Variants in TRIM42 observed in about 807,000 individuals in gnomAD.
TRIM42 encodes tripartite motif-containing protein 42.
A neutral mutation model predicts 64.9 loss-of-function variants in TRIM42; 59 were observed. That is an observed-to-expected ratio of 0.91 (90% CI 0.74 to 1.13). The LOEUF (loss-of-function observed/expected upper bound fraction) is 1.13. Among genes scored for constraint, TRIM42 ranks in the 50% most tolerant of loss-of-function variants. The pLI is 0.00. For synonymous variants in TRIM42, 354 were observed against 346.3 expected, an observed-to-expected ratio of 1.02 and a Z score of -0.25; for missense variants, 878 against 929.5, an observed-to-expected ratio of 0.94 and a Z score of 0.72.
In TRIM42 at chr3:140,678,167, G is replaced by A. The variant is rs1988252565; in HGVS notation, c.-63G>A. 8 of 1,408,840 alleles carry A rather than the reference G, an allele frequency of 5.7e-6. No homozygotes were observed. Among genetic ancestry groups the A allele is most frequent in the Non-Finnish European group, 9.9e-7 (1 of 1,008,208 alleles). 87.3% of individuals were successfully genotyped at this position (1,408,840 alleles called of 1,614,324 possible). A position where few individuals can be genotyped will look rare whatever the true frequency, so the allele number is the denominator to read the frequency against. On this transcript the variant is annotated 5_prime_UTR_variant, in exon 1 of 5. Transcript: ENST00000286349. ...GGACTCCTCCACTGGAGAACTGATA[G>A]CAGTATTCTGGTAGAGGAGGCATCA...
At position 140,690,883 on chromosome 3, in the gene TRIM42, G is replaced by T. The variant is rs1261362612; in HGVS notation, c.1861-85G>T. The T allele has an allele frequency of 1.3e-5, 15 of 1,148,252 alleles. No individual in the cohort carries two copies. The East Asian group carries it at 3.1e-4, about 24-fold the overall frequency. The allele number at this position is 1,148,252 out of a possible 1,614,324, so 71.1% of individuals were successfully genotyped here. On this transcript the variant is annotated intron_variant, in intron 3 of 4. Coordinates refer to ENST00000286349, the MANE Select transcript of TRIM42 (RefSeq NM_152616.5). ...GGGGTCAGCTTAAACTCACCCCACAGATAGTCAACATCACAAATCTTTAAG... is the reference window on the plus strand; with the variant it reads ...GGGGTCAGCTTAAACTCACCCCACATATAGTCAACATCACAAATCTTTAAG...
At chr3:140,684,583 C>A (rs1363817342) in intron 2 of TRIM42, among the ~76,000 whole-genome samples, 3 of 152,206 alleles carry the variant, frequency 2.0e-5, no homozygotes, top group Non-Finnish European at 4.4e-5. Context: ...GACCACATCA[C>A]CCCGGACCTC....
intron 4 of TRIM42, among the ~76,000 whole-genome samples, chr3:140,691,775 T>C (rs1988721533): frequency 6.6e-6 from 1 of 152,198 alleles, no homozygotes; most frequent in Non-Finnish European, 1.5e-5. Context: ...GTTATTCCTA[T>C]CTTCTTTGTG....
rs1471860319 is a variant in TRIM42, at chr3:140,682,699, C to T, written c.579C>T (p.Arg193=). 1.2e-6 allele frequency: 2 copies of T among 1,612,814 alleles called. No individual in the cohort carries two copies. Among genetic ancestry groups the T allele is most frequent in the Non-Finnish European group, 1.7e-6 (2 of 1,180,036 alleles). Residue 193 remains arginine (R), a synonymous_variant, in exon 2 of 5, where the codon CGC becomes CGT. Coordinates refer to ENST00000286349, the MANE Select transcript of TRIM42 (RefSeq NM_152616.5). ...FFILICPVCD[R]SHCMPYSNKM... is the part of the protein sequence containing the mutation. ...TCCTCATCTGCCCAGTGTGCGACCG[C>T]TCGCACTGCATGCCCTACAGCAACA...
chr3:140,678,685 T>A, intron 1 of TRIM42, 115 bp downstream of exon 1: 1 of 866,370 alleles, frequency 1.2e-6, no homozygotes, highest in Non-Finnish European at 1.7e-6. Flanking sequence ...TTTCTTTATC[T>A]AAAAGGAGGA....
intron 3 of TRIM42, among the ~76,000 whole-genome samples, chr3:140,690,351 C>G (rs890728850): frequency 1.3e-5 from 2 of 151,512 alleles, no homozygotes; most frequent in African/African-American, 4.9e-5. Flanking sequence ...GTATTTATTA[C>G]AGCATTTATT....
At chr3:140,679,821 C>A (rs559313989) in intron 1 of TRIM42, among the ~76,000 whole-genome samples, 1 of 152,110 alleles carries the variant, frequency 6.6e-6, no homozygotes, top group African/African-American at 2.4e-5. Flanking sequence ...AGCTCCCCAA[C>A]GTTACTGTGC....
In TRIM42 at chr3:140,678,415, C is replaced by T; in HGVS notation, c.186C>T (p.Asn62=). The T allele has an allele frequency of 6.2e-7, 1 of 1,614,226 alleles. No homozygotes were observed. Among genetic ancestry groups the T allele is most frequent in the Non-Finnish European group, 8.5e-7 (1 of 1,180,042 alleles). ...ACTGCACCTGTTCTGAGAGCCCCAACTGCCATTGGTGTTGCTGCTCTTGGG... is the reference window on the plus strand; with the variant it reads ...ACTGCACCTGTTCTGAGAGCCCCAATTGCCATTGGTGTTGCTGCTCTTGGG... ...FCHCTCSESP[N]CHWCCCSWAN... is the part of the protein sequence containing the mutation. Residue 62 remains asparagine (N), a synonymous_variant, in exon 1 of 5, where the codon AAC becomes AAT. Transcript: ENST00000286349.
Position 140,691,025 on chromosome 3 carries a change from G to A in TRIM42, c.1918G>A (p.Val640Ile). Residue 640 changes from valine (V) to isoleucine (I), a missense_variant, in exon 4 of 5, where the codon GTC becomes ATC. Val to Ile is a conservative substitution (Grantham distance 29, BLOSUM62 3). Transcript: ENST00000286349. ...VDSFEMEFYE[V>I]ITSPPNNVQM... Reference sequence around the variant, plus strand: ...CTCTTTTGAGATGGAATTCTATGAAGTCATTACTTCTCCTCCTAACAACGT... The same window carrying A: ...CTCTTTTGAGATGGAATTCTATGAAATCATTACTTCTCCTCCTAACAACGT... 1.2e-6 allele frequency: 2 copies of A among 1,614,104 alleles called. No individual in the cohort carries two copies. The highest frequency in any genetic ancestry group is 1.7e-6 in the Non-Finnish European group (2 of 1,179,994).
chr3:140,684,487 C>T (rs376849845), intron 2 of TRIM42, among the ~76,000 whole-genome samples: 1 of 152,168 alleles, frequency 6.6e-6, no homozygotes, highest in African/African-American at 2.4e-5. Context: ...TAGGCCTACA[C>T]ATTTGGGAGG....
rs1342191470 is a variant in TRIM42, at chr3:140,679,167, CTT to C, written c.341+600_341+601del. Among the ~76,000 whole-genome samples the C allele has an allele frequency of 1.2e-4, 19 of 152,078 alleles. 1 individual carries two copies. Among genetic ancestry groups the C allele is most frequent in the Non-Finnish European group, 2.6e-4 (18 of 68,026 alleles). ...TCCTATGAACTCTTAATACCTGTAA[CTT>C]TTAATGGAAAAGAAAGAACTTCTAT... On this transcript the variant is annotated intron_variant, in intron 1 of 4. Transcript: ENST00000286349.
intron 2 of TRIM42, 41 bp from the exon 3 acceptor site, chr3:140,687,681 A>G: frequency 6.8e-7 from 1 of 1,472,164 alleles, no homozygotes; most frequent in South Asian, 1.3e-5. Context: ...ACACCTGGGG[A>G]GATGAAAATT....
At chr3:140,690,071 T>TG (rs1489630300) in intron 3 of TRIM42, among the ~76,000 whole-genome samples, 1 of 152,210 alleles carries the variant, frequency 6.6e-6, no homozygotes, top group Non-Finnish European at 1.5e-5. Context: ...CAGTGATATT[T>TG]GATTTTAAAA....
intron 1 of TRIM42, among the ~76,000 whole-genome samples, chr3:140,678,814 A>ACTCT (rs1393536915): frequency 6.6e-6 from 1 of 151,886 alleles, no homozygotes; most frequent in Non-Finnish European, 1.5e-5. Context: ...CTGAACCCCA[A>ACTCT]CTCTCTCATC....
chr3:140,697,234 A>T (rs1988875248), intron 4 of TRIM42, among the ~76,000 whole-genome samples: 1 of 151,994 alleles, frequency 6.6e-6, no homozygotes, highest in Admixed American at 6.5e-5. Context: ...ATGTCCTTAT[A>T]TATTCTAGGT....
intron 1 of TRIM42, among the ~76,000 whole-genome samples, chr3:140,680,978 T>C (rs897122659): frequency 6.6e-6 from 1 of 152,224 alleles, no homozygotes; most frequent in African/African-American, 2.4e-5. Context: ...CAAATATTAT[T>C]ATGCAAACAG....
In TRIM42 at chr3:140,687,916, T is replaced by G. The variant is rs553137967; in HGVS notation, c.1234T>G (p.Tyr412Asp). 3.1e-6 allele frequency: 5 copies of G among 1,613,958 alleles called. No homozygotes were observed. The South Asian group carries it at 5.5e-5, about 18-fold the overall frequency. Residue 412 changes from tyrosine (Y) to aspartate (D), a missense_variant, in exon 3 of 5, where the codon TAT (tyrosine) becomes GAT (aspartate). By Grantham distance (160) the Tyr-to-Asp change is radical. Transcript: ENST00000286349. The stretch of plus-strand genomic sequence containing the variant: ...GTCCAGGCAGAAGGAAATTGAAAAA[T>G]ATGTGTATGTTACAACCATGAAAGT... The part of the protein sequence containing the change: ...EVSRQKEIEK[Y>D]VYVTTMKVNE...
In TRIM42 at chr3:140,683,253, A is replaced by G. The variant is rs1459690527; in HGVS notation, c.1039+94A>G. 12 of 1,289,746 alleles carry G rather than the reference A, an allele frequency of 9.3e-6. No homozygotes were observed. The Admixed American group carries it at 2.3e-4, about 25-fold the overall frequency. The allele number at this position is 1,289,746 out of a possible 1,614,324, so 79.9% of individuals were successfully genotyped here. A position where few individuals can be genotyped will look rare whatever the true frequency, so the allele number is the denominator to read the frequency against. On this transcript the variant is annotated intron_variant, in intron 2 of 4. Coordinates refer to ENST00000286349, the MANE Select transcript of TRIM42 (RefSeq NM_152616.5). ...TAATCTGTTAAGTGAGTGCCTTAAC[A>G]GATTCCACCTAGTGGAGCAATCAAG...
Position 140,688,228 on chromosome 3 carries a change from AT to A in TRIM42, c.1548del (p.Ile516MetfsTer86). 2 of 1,614,194 alleles carry A rather than the reference AT, an allele frequency of 1.2e-6. No individual in the cohort carries two copies. The highest frequency in any genetic ancestry group is 1.7e-6 in the Non-Finnish European group (2 of 1,180,024). On this transcript the variant is annotated frameshift_variant, in exon 3 of 5. Transcript: ENST00000286349. LOFTEE classifies it high-confidence loss of function. The stretch of plus-strand genomic sequence containing the variant: ...CTACCCCGTGCACTCAGAAACAATG[AT>A]TGCCAGGAAGGTCACTTTCAGCACC... ...SPYPVHSETM[I>X]ARKVTFSTHS...
Sources: gnomAD v4.1 joint callset for allele counts (sites outside exome capture counted in the v4.1 genomes callset) on GRCh38, gnomAD v4.1.1 for gene constraint, MANE v1.5 for transcripts, NCBI Gene and HGNC (gene_info 2026-07-23, HGNC 2026-07-21) for gene names.